Variants in SGCZ observed in about 807,000 individuals in gnomAD.
SGCZ encodes zeta-sarcoglycan.
A neutral mutation model predicts 41.3 loss-of-function variants in SGCZ; 40 were observed. That is an observed-to-expected ratio of 0.97 (90% CI 0.75 to 1.26). The LOEUF is 1.26. SGCZ is among the 50% of genes most tolerant of loss of function. The probability of loss-of-function intolerance (pLI) is 0.00; values close to 1 mark genes in which losing one functional copy is unlikely to be tolerated. For missense variants in SGCZ, 552 were observed against 369.8 expected (o/e 1.49, Z -4.04); for synonymous variants, 206 against 137.5 (o/e 1.50, Z -3.49).
chr8:14,831,472 A>T (rs961399440), intron 1 of SGCZ, among the ~76,000 whole-genome samples: 14 of 152,292 alleles, frequency 9.2e-5, no homozygotes, highest in Middle Eastern at 3.4e-3. Context: ...TCCAGAGTTC[A>T]AGAGAATCTG....
intron 2 of SGCZ, among the ~76,000 whole-genome samples, chr8:14,508,483 A>T (rs1006707958): frequency 1.3e-5 from 2 of 152,110 alleles, no homozygotes; most frequent in Non-Finnish European, 2.9e-5. Flanking sequence ...GAACCCTCGG[A>T]GGCTTTGCAT....
chr8:15,197,615 GAATA>G (rs1477037535), intron 1 of SGCZ, among the ~76,000 whole-genome samples: 1 of 152,070 alleles, frequency 6.6e-6, no homozygotes, highest in Non-Finnish European at 1.5e-5. Context: ...AAATCAGAAT[GAATA>G]AAGAAATGAT....
At chr8:14,821,127 A>G (rs1369742288) in intron 1 of SGCZ, among the ~76,000 whole-genome samples, 1 of 152,016 alleles carries the variant, frequency 6.6e-6, no homozygotes, top group Non-Finnish European at 1.5e-5. Context: ...AGATGAAAAA[A>G]GAAATGTTAA....
intron 1 of SGCZ, among the ~76,000 whole-genome samples, chr8:14,608,452 G>A (rs936866260): frequency 1.4e-4 from 18 of 128,712 alleles, no homozygotes; most frequent in African/African-American, 2.0e-4. Context: ...GCGGGGAGGC[G>A]GGGGGCAGAT....
intron 2 of SGCZ, among the ~76,000 whole-genome samples, chr8:14,541,851 G>A (rs111823543): frequency 0.01 from 1,545 of 152,194 alleles, 20 homozygotes; most frequent in African/African-American, 0.036. Context: ...GTATCTCATT[G>A]TGGTTTTGAT....
intron 1 of SGCZ, among the ~76,000 whole-genome samples, chr8:14,816,645 GTGAATATAAGAAATTAACCATGT>G (rs1303069970): frequency 6.8e-6 from 1 of 146,948 alleles, no homozygotes; most frequent in African/African-American, 2.6e-5. Flanking sequence ...GGACTCTGAG[GTGAATATAAGAAATTAACCATGT>G]TAAAATCACA....
chr8:14,413,785 T>G (rs543692973), intron 2 of SGCZ, among the ~76,000 whole-genome samples: 7 of 152,076 alleles, frequency 4.6e-5, no homozygotes, highest in East Asian at 1.9e-4. Flanking sequence ...TAACGAAGAG[T>G]CTGTTTTACA....
At chr8:14,421,035 G>T (rs1374826292) in intron 2 of SGCZ, among the ~76,000 whole-genome samples, 1 of 152,044 alleles carries the variant, frequency 6.6e-6, no homozygotes, top group African/African-American at 2.4e-5. Flanking sequence ...GTGCCCCAAA[G>T]ATAATGAGAT....
chr8:14,448,421 C>A (rs1395856814), intron 2 of SGCZ, among the ~76,000 whole-genome samples: 1 of 152,142 alleles, frequency 6.6e-6, no homozygotes, highest in Non-Finnish European at 1.5e-5. Context: ...TAATACAAGC[C>A]ACACTTTACT....
chr8:15,032,434 C>T lies in SGCZ; in HGVS notation c.39+205151G>A, dbSNP rs149914359. On this transcript the variant is annotated intron_variant, in intron 1 of 7. Coordinates refer to ENST00000382080, the MANE Select transcript of SGCZ (RefSeq NM_139167.4). ...AGGGGAAGGAGAGTGAAGAGAGAGC[C>T]ACACTTTGCCTTGGACCCAACACCA... 5.2e-3 allele frequency among the ~76,000 whole-genome samples: 787 copies of T among 152,234 alleles called. 5 individuals are homozygous for T. Among genetic ancestry groups the T allele is most frequent in the African/African-American group, 0.018 (752 of 41,536 alleles).
intron 2 of SGCZ, among the ~76,000 whole-genome samples, chr8:14,462,808 G>A (rs1314029407): frequency 6.6e-6 from 1 of 151,786 alleles, no homozygotes; most frequent in Non-Finnish European, 1.5e-5. Context: ...ATCATTTGGG[G>A]TAATACTGTC....
At position 14,086,573 on chromosome 8, in the gene SGCZ, T is replaced by A. The variant is rs1181930897; in HGVS notation, c.*3870A>T. Among the ~76,000 whole-genome samples, 2 of 151,828 alleles carry A rather than the reference T, an allele frequency of 1.3e-5. No homozygotes were observed. The highest frequency in any genetic ancestry group is 3.0e-5 in the Non-Finnish European group (2 of 67,712). Reference sequence around the variant, plus strand: ...CTTTATGGAGGTAATAATCACAGAATGTTCATATTTGGTTAATATTTCTAT... The same window carrying A: ...CTTTATGGAGGTAATAATCACAGAAAGTTCATATTTGGTTAATATTTCTAT... On this transcript the variant is annotated 3_prime_UTR_variant, in exon 8 of 8. Transcript: ENST00000382080.
chr8:15,081,685 A>C (rs1007484173), intron 1 of SGCZ, among the ~76,000 whole-genome samples: 2 of 152,206 alleles, frequency 1.3e-5, no homozygotes, highest in East Asian at 3.9e-4. Flanking sequence ...GTGATAATGA[A>C]GGGAATGTAC....
chr8:14,573,494 C>CT (rs1189734392), intron 1 of SGCZ, among the ~76,000 whole-genome samples: 4 of 151,948 alleles, frequency 2.6e-5, no homozygotes, highest in Non-Finnish European at 5.9e-5. Context: ...GGCCGCAAGT[C>CT]TTTTTTTATT....
intron 1 of SGCZ, among the ~76,000 whole-genome samples, chr8:14,628,841 T>A (rs1276747333): frequency 1.3e-5 from 2 of 152,132 alleles, no homozygotes; most frequent in Non-Finnish European, 2.9e-5. Context: ...TTTCCTTGGC[T>A]ACACAGCCTG....
intron 2 of SGCZ, among the ~76,000 whole-genome samples, chr8:14,380,976 C>G (rs1804339654): frequency 6.6e-6 from 1 of 152,120 alleles, no homozygotes; most frequent in African/African-American, 2.4e-5. Flanking sequence ...ATGCGTATTC[C>G]TAATCGTTCT....
chr8:14,667,060 T>C (rs1336601500), intron 1 of SGCZ, among the ~76,000 whole-genome samples: 1 of 152,076 alleles, frequency 6.6e-6, no homozygotes, highest in Non-Finnish European at 1.5e-5. Flanking sequence ...GAGACATATA[T>C]ATATGTCAAT....
intron 5 of SGCZ, among the ~76,000 whole-genome samples, chr8:14,150,343 T>C (rs940199269): frequency 2.6e-5 from 4 of 151,958 alleles, no homozygotes; most frequent in Admixed American, 2.6e-4. Context: ...GGAAAATGTC[T>C]AAAAATTCAA....
intron 1 of SGCZ, among the ~76,000 whole-genome samples, chr8:14,618,120 G>A (rs535295721): frequency 1.1e-4 from 16 of 152,146 alleles, no homozygotes; most frequent in African/African-American, 3.9e-4. Flanking sequence ...TATGTGCCAT[G>A]CACTATTCTA....
Sources: gnomAD v4.1 joint callset for allele counts (sites outside exome capture counted in the v4.1 genomes callset) on GRCh38, gnomAD v4.1.1 for gene constraint, MANE v1.5 for transcripts, NCBI Gene and HGNC (gene_info 2026-07-23, HGNC 2026-07-21) for gene names.